The following ANKMY2 variants were observed in gnomAD, a reference collection of about 807,000 sequenced individuals.
The protein encoded by ANKMY2 is ankyrin repeat and MYND domain containing 2, also known as ankyrin repeat and MYND domain-containing protein 2.
In ANKMY2, 36 loss-of-function variants were observed where a neutral mutation model predicts 50.4. That is an observed-to-expected ratio of 0.71 (90% CI 0.55 to 0.94). The LOEUF is 0.94. Among genes scored for constraint, ANKMY2 ranks in the 40% least tolerant of loss-of-function variants. The probability of loss-of-function intolerance (pLI) is 0.00; values close to 1 mark genes in which losing one functional copy is unlikely to be tolerated. For missense variants in ANKMY2, 565 were observed against 524.0 expected (o/e 1.08, Z -0.76); for synonymous variants, 187 against 178.8 (o/e 1.05, Z -0.36).
intron 2 of ANKMY2, among the ~76,000 whole-genome samples, chr7:16,634,080 G>A (rs1163863689): frequency 6.6e-6 from 1 of 152,122 alleles, no homozygotes; most frequent in Admixed American, 6.5e-5. Flanking sequence ...CCTTCTGCAT[G>A]AGAAATTGAA....
chr7:16,635,168 A>G (rs1168812981), intron 2 of ANKMY2, among the ~76,000 whole-genome samples: 1 of 152,192 alleles, frequency 6.6e-6, no homozygotes, highest in Non-Finnish European at 1.5e-5. Context: ...ACAACAAAAA[A>G]AACTACTCAG....
chr7:16,631,071 C>T (rs1188645502), intron 2 of ANKMY2, among the ~76,000 whole-genome samples: 1 of 152,136 alleles, frequency 6.6e-6, no homozygotes, highest in Non-Finnish European at 1.5e-5. Context: ...TTCTGCAAAC[C>T]TATCAGGTTA....
At chr7:16,627,957 C>A (rs62440987) in intron 2 of ANKMY2, among the ~76,000 whole-genome samples, 1 of 145,822 alleles carries the variant, frequency 6.9e-6, no homozygotes, top group Non-Finnish European at 1.6e-5. Flanking sequence ...TTTGATCATA[C>A]ATATGATTTG....
intron 3 of ANKMY2, among the ~76,000 whole-genome samples, chr7:16,625,761 C>T (rs1260321443): frequency 6.6e-6 from 1 of 152,134 alleles, no homozygotes; most frequent in Non-Finnish European, 1.5e-5. Context: ...CTGACATGCA[C>T]TCCCCCAAAT....
At chr7:16,623,618 G>A (rs544306105) in intron 4 of ANKMY2, among the ~76,000 whole-genome samples, 34 of 152,190 alleles carry the variant, frequency 2.2e-4, no homozygotes, top group African/African-American at 7.5e-4. Flanking sequence ...GAATTTGCCC[G>A]TGATCCTATA....
At chr7:16,613,227 T>C (rs1781285446) in intron 5 of ANKMY2, among the ~76,000 whole-genome samples, 1 of 152,226 alleles carries the variant, frequency 6.6e-6, no homozygotes, top group Non-Finnish European at 1.5e-5. Flanking sequence ...CCACTTAATC[T>C]AGACACAAAT....
chr7:16,644,885 G>A (rs1042883886), intron 1 of ANKMY2: 1 of 352,696 alleles, frequency 2.8e-6, no homozygotes, highest in African/African-American at 2.2e-5. Context: ...GGGCCGAGGG[G>A]TGGGTGTGGA....
Position 16,600,615 on chromosome 7 carries a change from G to A in ANKMY2, c.*146C>T. On this transcript the variant is annotated 3_prime_UTR_variant, in exon 10 of 10. Coordinates refer to ENST00000306999, the MANE Select transcript of ANKMY2 (RefSeq NM_020319.3). ...AGGAAATTAGGGCATGGTCAACAGG[G>A]GTTTGCTTGAAAACCTGTATTCTAT... 1.9e-6 allele frequency: 1 copy of A among 539,360 alleles called. No individual in the cohort carries two copies. The highest frequency in any genetic ancestry group is 2.9e-6 in the Non-Finnish European group (1 of 343,118). 33.4% of individuals were successfully genotyped at this position (539,360 alleles called of 1,614,324 possible). A position where few individuals can be genotyped will look rare whatever the true frequency, so the allele number is the denominator to read the frequency against.
At chr7:16,627,202 T>C in intron 2 of ANKMY2, 24 bp from the exon 3 acceptor site, 1 of 1,523,924 alleles carries the variant, frequency 6.6e-7, no homozygotes, top group Non-Finnish European at 8.9e-7. Flanking sequence ...AGGAAAAAAG[T>C]ATTAATTTTA....
chr7:16,610,375 T>C (rs1781227730), intron 6 of ANKMY2, among the ~76,000 whole-genome samples, 174 bp downstream of exon 6: 1 of 152,224 alleles, frequency 6.6e-6, no homozygotes, highest in Non-Finnish European at 1.5e-5. Flanking sequence ...CAGAACTGAA[T>C]AATCACTCAA....
chr7:16,617,454 G>A lies in ANKMY2; in HGVS notation c.371-1550C>T, dbSNP rs1299430004. On this transcript the variant is annotated intron_variant, in intron 4 of 9. Transcript: ENST00000306999. ...GGGATCCAGCAATTCTGAAGACTAC[G>A]CCATGCCTCCAACAGAGGGCTTCTT... is the stretch of plus-strand genomic sequence containing the variant. Among the ~76,000 whole-genome samples, 4 of 152,250 alleles carry A rather than the reference G, an allele frequency of 2.6e-5. No individual in the cohort carries two copies. In the South Asian group the frequency reaches 6.2e-4, roughly 24 times the overall value.
At chr7:16,603,635 C>T (rs1167130485) in intron 8 of ANKMY2, 1 of 471,064 alleles carries the variant, frequency 2.1e-6, no homozygotes, top group African/African-American at 2.0e-5. Flanking sequence ...CATACACTTT[C>T]TCACATGATT....
In ANKMY2 at chr7:16,600,023, T is replaced by C. The variant is rs539973389; in HGVS notation, c.*738A>G. 1 of 152,212 alleles carries C rather than the reference T, an allele frequency of 6.6e-6. No homozygotes were observed. Among genetic ancestry groups the C allele is most frequent in the African/African-American group, 2.4e-5 (1 of 41,446 alleles). 9.4% of individuals were successfully genotyped at this position (152,212 alleles called of 1,614,324 possible). ...ACGTGAATTAGCCTTACAGTAATTGTGTACATAGTATGTTTAGTCATTATT... is the reference window on the plus strand; with the variant it reads ...ACGTGAATTAGCCTTACAGTAATTGCGTACATAGTATGTTTAGTCATTATT... On this transcript the variant is annotated 3_prime_UTR_variant, in exon 10 of 10. Transcript: ENST00000306999.
intron 5 of ANKMY2, among the ~76,000 whole-genome samples, chr7:16,613,641 T>C (rs960561010): frequency 1.3e-5 from 2 of 152,134 alleles, no homozygotes; most frequent in Non-Finnish European, 2.9e-5. Flanking sequence ...ACTTAAAATA[T>C]ATACCTTCAA....
rs1562464317 is a variant in ANKMY2 at position 16,627,192 on chromosome 7, AG to A, written c.133-15del. 6.5e-7 allele frequency: 1 copy of A among 1,550,042 alleles called. No individual in the cohort carries two copies. Among genetic ancestry groups the A allele is most frequent in the Non-Finnish European group, 8.8e-7 (1 of 1,139,762 alleles). On this transcript the variant is annotated splice_polypyrimidine_tract_variant and intron_variant, in intron 2 of 9. Coordinates refer to ENST00000306999, the MANE Select transcript of ANKMY2 (RefSeq NM_020319.3). ...AGTCATTCCATTCTTTAATAGAAAG[AG>A]GAAAAAAGTATTAATTTTACTGTTT...
chr7:16,607,558 A>G (rs530223732), intron 7 of ANKMY2, among the ~76,000 whole-genome samples: 1 of 151,270 alleles, frequency 6.6e-6, no homozygotes, highest in East Asian at 1.9e-4. Flanking sequence ...ACAAAACAAG[A>G]CCCCCCTCAA....
chr7:16,633,791 T>C (rs1781619801), intron 2 of ANKMY2, among the ~76,000 whole-genome samples: 2 of 152,180 alleles, frequency 1.3e-5, no homozygotes, highest in Non-Finnish European at 2.9e-5. Flanking sequence ...CTACATCCTA[T>C]GTTACTTTTT....
rs146236729 is a variant in ANKMY2 at position 16,606,529 on chromosome 7, C to T, written c.883-1680G>A. 2.6e-5 allele frequency among the ~76,000 whole-genome samples: 4 copies of T among 152,166 alleles called. No individual in the cohort carries two copies. The East Asian group carries it at 7.7e-4, about 29-fold the overall frequency. On this transcript the variant is annotated intron_variant, in intron 7 of 9. Coordinates refer to ENST00000306999, the MANE Select transcript of ANKMY2 (RefSeq NM_020319.3). ...AATCACAGCGTTTCTATTTTTCTTA[C>T]CTACTCCTAATAGTTCTTTGTTCTG...
intron 8 of ANKMY2, chr7:16,603,568 T>G (rs189937842): frequency 2.1e-6 from 1 of 469,910 alleles, no homozygotes; most frequent in Non-Finnish European, 4.4e-6. Context: ...AGCACTGTGG[T>G]AGGCCCTTAT....
Sources: gnomAD v4.1 joint callset for allele counts (sites outside exome capture counted in the v4.1 genomes callset) on GRCh38, gnomAD v4.1.1 for gene constraint, MANE v1.5 for transcripts, NCBI Gene and HGNC (gene_info 2026-07-23, HGNC 2026-07-21) for gene names.